The following MEF2D variants were observed in gnomAD, a reference collection of about 807,000 sequenced individuals.
MEF2D encodes the protein myocyte enhancer factor 2D.
A neutral mutation model predicts 59.3 loss-of-function variants in MEF2D; 10 were observed. The ratio of observed to expected loss-of-function variants is 0.17; its 90% confidence interval spans 0.10 to 0.29. The LOEUF (loss-of-function observed/expected upper bound fraction) is 0.29. Among genes scored for constraint, MEF2D ranks in the 10% least tolerant of loss-of-function variants. MEF2D has a pLI of 1.00. For synonymous variants in MEF2D, 305 were observed against 295.0 expected (o/e 1.03, Z -0.35); for missense variants, 508 against 699.4 (o/e 0.73, Z 3.09).
In MEF2D at chr1:156,476,656, A is replaced by T; in HGVS notation, c.856-142T>A. On this transcript the variant is annotated intron_variant, in intron 7 of 11. Transcript: ENST00000348159. ...CCAGCCTACAAAGGCAGAGCTCTCC[A>T]CCGTCCTGACTCATTTCCAGAGATG... is the stretch of plus-strand genomic sequence containing the variant. 5.1e-6 allele frequency: 5 copies of T among 985,652 alleles called. No individual in the cohort carries two copies. The South Asian group carries it at 7.3e-5, about 14-fold the overall frequency. 61.1% of individuals were successfully genotyped at this position (985,652 alleles called of 1,614,324 possible). A position where few individuals can be genotyped will look rare whatever the true frequency, so the allele number is the denominator to read the frequency against.
chr1:156,471,680 CA>C (rs765497162), intron 9 of MEF2D, among the ~76,000 whole-genome samples: 69 of 152,228 alleles, frequency 4.5e-4, no homozygotes, highest in Non-Finnish European at 9.7e-4. Context: ...CCAGTGTCAA[CA>C]AGGGGCCAGG....
In MEF2D at chr1:156,483,233, C is replaced by G. The variant is rs1211824762; in HGVS notation, c.54+6G>C. The G allele has an allele frequency of 6.2e-7, 1 of 1,614,120 alleles. No individual in the cohort carries two copies. Among genetic ancestry groups the G allele is most frequent in the African/African-American group, 1.3e-5 (1 of 75,028 alleles). ...CCCACTTCGTACGGCTCTAGGACTT[C>G]CCTACCTGTCGGTTCCGCTCGTCGG... is the stretch of plus-strand genomic sequence containing the variant. On this transcript the variant is annotated splice_donor_region_variant and intron_variant, in intron 2 of 11. Transcript: ENST00000348159.
Position 156,482,497 on chromosome 1 carries a change from C to T in MEF2D, c.198G>A (p.Leu66=), listed in dbSNP as rs1327882377. The change falls in exon 3 of 12, where the codon CTG becomes CTA. Residue 66 remains leucine (L), a synonymous_variant. Transcript: ENST00000348159. The part of the protein sequence containing the change: ...QYASTDMDKV[L]LKYTEYNEPH... ...GCTCATTGTACTCCGTGTACTTGAGCAGCACCTTGTCCATGTCGGTGCTGG... is the reference window on the plus strand; with the variant it reads ...GCTCATTGTACTCCGTGTACTTGAGTAGCACCTTGTCCATGTCGGTGCTGG... The T allele has an allele frequency of 6.2e-7, 1 of 1,614,236 alleles. No homozygotes were observed. Among genetic ancestry groups the T allele is most frequent in the South Asian group, 1.1e-5 (1 of 91,086 alleles).
intron 1 of MEF2D, among the ~76,000 whole-genome samples, chr1:156,492,458 T>C (rs1401164365): frequency 6.6e-6 from 1 of 152,206 alleles, no homozygotes; most frequent in Non-Finnish European, 1.5e-5. Flanking sequence ...CAATGGGAGC[T>C]GCAGACAACC....
rs1030268836 is a variant in MEF2D at position 156,465,269 on chromosome 1, G to A, written c.*2376C>T. 6.6e-6 allele frequency: 1 copy of A among 152,496 alleles called. No individual in the cohort carries two copies. The highest frequency in any genetic ancestry group is 2.4e-5 in the African/African-American group (1 of 41,436). 9.4% of individuals were successfully genotyped at this position (152,496 alleles called of 1,614,324 possible). ...TTGCTCTGAAAGCAGGTCTGGGGTT[G>A]GGGGAAGAGGGTACTCCAGGAACTG... On this transcript the variant is annotated 3_prime_UTR_variant, in exon 12 of 12. Transcript: ENST00000348159.
In MEF2D at chr1:156,465,038, C is replaced by T. The variant is rs1670758211; in HGVS notation, c.*2607G>A. 6.6e-6 allele frequency: 1 copy of T among 152,330 alleles called. No individual in the cohort carries two copies. The allele number at this position is 152,330 out of a possible 1,614,324, so 9.4% of individuals were successfully genotyped here. A position where few individuals can be genotyped will look rare whatever the true frequency, so the allele number is the denominator to read the frequency against. ...GGCACTGGGCGAGGCTCTGGGGACG[C>T]ATGCATGAACAAGATTACACCCTGG... On this transcript the variant is annotated 3_prime_UTR_variant, in exon 12 of 12. Coordinates refer to ENST00000348159, the MANE Select transcript of MEF2D (RefSeq NM_005920.4).
chr1:156,476,257 A>G (rs1671567037), intron 8 of MEF2D, among the ~76,000 whole-genome samples: 1 of 152,190 alleles, frequency 6.6e-6, no homozygotes, highest in Non-Finnish European at 1.5e-5. Flanking sequence ...ATAATACCAC[A>G]TGCAGACATT....
chr1:156,483,910 C>A (rs1250965528), intron 1 of MEF2D, among the ~76,000 whole-genome samples: 1 of 152,112 alleles, frequency 6.6e-6, no homozygotes, highest in Non-Finnish European at 1.5e-5. Context: ...TCTCTGGTGC[C>A]CCTGGCTCAA....
intron 1 of MEF2D, among the ~76,000 whole-genome samples, chr1:156,496,297 G>A (rs2102280595): frequency 6.6e-6 from 1 of 152,206 alleles, no homozygotes; most frequent in South Asian, 2.1e-4. Flanking sequence ...AGAGACCAGC[G>A]ACAAACCACC....
At chr1:156,476,727 C>T (rs1219500747) in intron 7 of MEF2D, among the ~76,000 whole-genome samples, 2 of 152,134 alleles carry the variant, frequency 1.3e-5, no homozygotes, top group African/African-American at 4.8e-5. Flanking sequence ...CCATCTAATC[C>T]CCATCCCTCC....
rs968396796 is a variant in MEF2D at position 156,464,997 on chromosome 1, T to G, written c.*2648A>C. 3.9e-5 allele frequency: 6 copies of G among 152,292 alleles called. No individual in the cohort carries two copies. Among genetic ancestry groups the G allele is most frequent in the African/African-American group, 9.6e-5 (4 of 41,458 alleles). 9.4% of individuals were successfully genotyped at this position (152,292 alleles called of 1,614,324 possible). A position where few individuals can be genotyped will look rare whatever the true frequency, so the allele number is the denominator to read the frequency against. ...ATTCACCCATTCAGCATTTATTGAG[T>G]GCCTACTATGTGCCAGGCACTGGGC... On this transcript the variant is annotated 3_prime_UTR_variant, in exon 12 of 12. Coordinates refer to ENST00000348159, the MANE Select transcript of MEF2D (RefSeq NM_005920.4).
chr1:156,487,870 C>T (rs909875714), intron 1 of MEF2D, among the ~76,000 whole-genome samples: 59 of 152,210 alleles, frequency 3.9e-4, no homozygotes, highest in African/African-American at 7.0e-4. Context: ...GCAGATGATC[C>T]GGCCCTTGGC....
intron 1 of MEF2D, among the ~76,000 whole-genome samples, chr1:156,495,513 T>G (rs1673077031): frequency 6.6e-6 from 1 of 151,606 alleles, no homozygotes; most frequent in African/African-American, 2.4e-5. Flanking sequence ...ATCTCAAAAG[T>G]TTTGGTTTTT....
At position 156,496,751 on chromosome 1, in the gene MEF2D, C is replaced by G. The variant is rs535109597; in HGVS notation, c.-139+3735G>C. ...CATACCAGTGTGTATGTGTTGCACA[C>G]TTTCCTGCATGTGTACCACTAAATG... On this transcript the variant is annotated intron_variant, in intron 1 of 11. Transcript: ENST00000348159. 1.9e-4 allele frequency among the ~76,000 whole-genome samples: 29 copies of G among 152,340 alleles called. 1 individual carries two copies. The South Asian group carries it at 6.0e-3, about 32-fold the overall frequency.
intron 9 of MEF2D, among the ~76,000 whole-genome samples, chr1:156,470,607 A>G (rs1275609889): frequency 6.6e-6 from 1 of 152,080 alleles, no homozygotes; most frequent in East Asian, 1.9e-4. Flanking sequence ...TATCTCTGCA[A>G]TATAGCAATA....
chr1:156,484,820 T>C (rs192944467), intron 1 of MEF2D, among the ~76,000 whole-genome samples: 1 of 152,242 alleles, frequency 6.6e-6, no homozygotes, highest in Admixed American at 6.5e-5. Flanking sequence ...AAAGGCGCAT[T>C]CTCTCCGGTA....
intron 1 of MEF2D, among the ~76,000 whole-genome samples, chr1:156,494,321 G>A (rs370857047): frequency 5.3e-5 from 8 of 152,134 alleles, no homozygotes; most frequent in East Asian, 3.9e-4. Context: ...GGCTCTCCCC[G>A]TATTCTTTGT....
In MEF2D at chr1:156,468,958, A is replaced by G; in HGVS notation, c.1069T>C (p.Ser357Pro). The G allele has an allele frequency of 6.2e-7, 1 of 1,613,798 alleles. No homozygotes were observed. The change falls in exon 10 of 12, where the codon TCG becomes CCG. Residue 357 changes from serine (S) to proline (P), a missense_variant. Coordinates refer to ENST00000348159, the MANE Select transcript of MEF2D (RefSeq NM_005920.4). This position sits in a 1 kb window ranked among gnomAD's most constrained non-coding sequence, Gnocchi z 4.3. The part of the protein sequence containing the change: ...LPAFSSPGGL[S>P]LGNVTAWQQP... The stretch of plus-strand genomic sequence containing the variant: ...TGCCAGGCAGTGACATTGCCTAGCG[A>G]CAGCCCCCCAGGTGAACTAAAGGCT...
intron 5 of MEF2D, 43 bp downstream of exon 5, chr1:156,479,543 C>T: frequency 6.5e-7 from 1 of 1,545,776 alleles, no homozygotes; most frequent in Non-Finnish European, 8.7e-7. Flanking sequence ...GTCCCCATCA[C>T]ATCTCATTTC....
Sources: allele counts gnomAD v4.1 joint callset (sites outside exome capture counted in the v4.1 genomes callset), GRCh38; gene constraint gnomAD v4.1.1; non-coding constraint Gnocchi (gnomAD v3.1); transcripts MANE v1.5; gene names NCBI Gene and HGNC (gene_info 2026-07-23, HGNC 2026-07-21).